STARD8: variants seen among roughly 807,000 people sequenced by gnomAD.
STARD8 encodes the protein StAR related lipid transfer domain containing 8, also known as stAR-related lipid transfer protein 8.
STARD8 carries 25 observed loss-of-function variants against 69.4 expected under a neutral mutation model. That is an observed-to-expected ratio of 0.36 (90% CI 0.26 to 0.50). STARD8 has a LOEUF of 0.50. Among genes scored for constraint, STARD8 ranks in the 20% least tolerant of loss-of-function variants. STARD8 has a pLI of 0.96. For synonymous variants in STARD8, 389 were observed against 374.6 expected, an observed-to-expected ratio of 1.04 and a Z score of -0.45; for missense variants, 921 against 932.5, an observed-to-expected ratio of 0.99 and a Z score of 0.16.
rs149375225 is a variant in STARD8, at chrX:68,718,400, G to C, written c.1486G>C (p.Asp496His). The C allele has an allele frequency of 1.1e-3, 1,307 of 1,208,532 alleles. 7 individuals carry two copies. The African/African-American group carries it at 0.021, about 19-fold the overall frequency. ...AGCCCCGGCCCCGGCCCCAGCCCAG[G>C]ACAGTGAGCAGGAGGCACATTCAGG... Reference protein sequence around the residue: ...APAPAPAPAQDSEQEAHSGGE... With the variant: ...APAPAPAPAQHSEQEAHSGGE... The change falls in exon 6 of 15, where the codon GAC (aspartate) becomes CAC (histidine). Residue 496 changes from aspartate (D) to histidine (H), a missense_variant. By Grantham distance (81) the Asp-to-His change is moderately conservative. Transcript: ENST00000374599.
intron 3 of STARD8, among the ~76,000 whole-genome samples, 154 bp from the exon 4 acceptor site, chrX:68,715,140 C>A (rs1409796113): frequency 8.9e-6 from 1 of 111,836 alleles, no homozygotes; most frequent in Non-Finnish European, 1.9e-5. Flanking sequence ...ACTCCCTGGG[C>A]ACCCTCCTTT....
intron 2 of STARD8, among the ~76,000 whole-genome samples, chrX:68,677,100 C>G (rs186093385): frequency 4.5e-5 from 5 of 110,794 alleles, no homozygotes; most frequent in Non-Finnish European, 9.4e-5. Flanking sequence ...GGGCCGTGAT[C>G]GTGGCACTGC....
intron 5 of STARD8, 112 bp downstream of exon 5, chrX:68,716,543 C>T: frequency 1.4e-6 from 1 of 705,888 alleles, no homozygotes; most frequent in Non-Finnish European, 2.1e-6. Flanking sequence ...CTGAGATGTC[C>T]AGAGCAGTGC....
At chrX:68,679,704 C>T (rs1204923700) in intron 2 of STARD8, among the ~76,000 whole-genome samples, 4 of 112,188 alleles carry the variant, frequency 3.6e-5, no homozygotes, top group Non-Finnish European at 7.5e-5. Flanking sequence ...CACATGGGGC[C>T]TCTCATTGCA....
chrX:68,689,591 C>G (rs1320087378), intron 2 of STARD8, among the ~76,000 whole-genome samples: 17 of 112,561 alleles, frequency 1.5e-4, no homozygotes, highest in Non-Finnish European at 3.0e-4. Flanking sequence ...AGCCGCCCCA[C>G]ACCTGTATGT....
intron 2 of STARD8, among the ~76,000 whole-genome samples, chrX:68,666,788 C>T (rs1362955896): frequency 8.9e-6 from 1 of 112,369 alleles, no homozygotes; most frequent in Non-Finnish European, 1.9e-5. Flanking sequence ...CATTCCAAGG[C>T]GTCTTGCTGC....
At chrX:68,668,117 C>CTTTCTTTCTTTCTTTCTCTT (rs2079700080) in intron 2 of STARD8, among the ~76,000 whole-genome samples, 1 of 90,466 alleles carries the variant, frequency 1.1e-5, no homozygotes, top group East Asian at 3.3e-4. Flanking sequence ...TTCTTTCTGT[C>CTTTCTTTCTTTCTTTCTCTT]TTTCTTTCTT....
chrX:68,693,779 T>C (rs976263392), intron 2 of STARD8: 53 of 753,856 alleles, frequency 7.0e-5, no homozygotes, highest in Non-Finnish European at 7.5e-5. Context: ...TCCTGCCCGC[T>C]CGCTCTGTGT....
intron 2 of STARD8, among the ~76,000 whole-genome samples, chrX:68,694,267 G>A (rs1431697981): frequency 8.9e-6 from 1 of 112,696 alleles, no homozygotes; most frequent in East Asian, 2.8e-4. Context: ...GGAAGCCCCC[G>A]TCCGGCTGTA....
intron 2 of STARD8, among the ~76,000 whole-genome samples, chrX:68,689,185 C>T (rs1337954052): frequency 9.5e-6 from 1 of 105,555 alleles, no homozygotes; most frequent in African/African-American, 3.5e-5. Context: ...GGTGGGGCAC[C>T]GGGGTGGACA....
At position 68,717,567 on chromosome X, in the gene STARD8, G is replaced by A. The variant is rs377275769; in HGVS notation, c.653G>A (p.Arg218Gln). ...SFLKHLESLRRKEKSGSQQAE... is the reference protein window; with the variant it reads ...SFLKHLESLRQKEKSGSQQAE... Reference sequence around the variant, plus strand: ...CTCAAGCACCTTGAATCTCTGAGGCGGAAGGAAAAGAGTGGCAGCCAGCAA... The same window carrying A: ...CTCAAGCACCTTGAATCTCTGAGGCAGAAGGAAAAGAGTGGCAGCCAGCAA... The change falls in exon 6 of 15, where the codon CGG becomes CAG. Residue 218 changes from arginine to glutamine, a missense_variant. Arg to Gln is a conservative substitution (Grantham distance 43). Coordinates refer to ENST00000374599, the MANE Select transcript of STARD8 (RefSeq NM_001142503.3). The A allele has an allele frequency of 5.6e-5, 68 of 1,210,058 alleles. 1 individual carries two copies. The highest frequency in any genetic ancestry group is 1.2e-4 in the East Asian group (4 of 33,744).
chrX:68,672,724 C>A (rs943347767), intron 2 of STARD8, among the ~76,000 whole-genome samples: 2 of 111,134 alleles, frequency 1.8e-5, no homozygotes, highest in Admixed American at 9.5e-5. Context: ...CCCCACCCCC[C>A]ATGGCAGGGC....
At position 68,716,842 on chromosome X, in the gene STARD8, GCT is replaced by G. The variant is rs778434049; in HGVS notation, c.298-367_298-366del. On this transcript the variant is annotated intron_variant, in intron 5 of 14. Coordinates refer to ENST00000374599, the MANE Select transcript of STARD8 (RefSeq NM_001142503.3). ...ACTAGAAAATCTCCAATTCCGTCCA[GCT>G]CTGTTGTGATTCTAATCTAAGACTA... 2.2e-3 allele frequency among the ~76,000 whole-genome samples: 243 copies of G among 112,208 alleles called. 1 individual carries two copies. The highest frequency in any genetic ancestry group is 3.9e-3 in the Non-Finnish European group (208 of 53,218).
intron 3 of STARD8, 57 bp downstream of exon 3, chrX:68,713,042 C>G: frequency 9.2e-7 from 1 of 1,083,131 alleles, no homozygotes; most frequent in Non-Finnish European, 1.3e-6. Context: ...AGTTTTTCAT[C>G]TGTTAGATGG....
chrX:68,720,258 A>G lies in STARD8; in HGVS notation c.1890-6A>G. On this transcript the variant is annotated splice_region_variant and splice_polypyrimidine_tract_variant and intron_variant, in intron 7 of 14. Transcript: ENST00000374599. ...CTATCTGATCACTTGTCATTCTCCCAAACAGGTCAATGCCCAAGTTCATGA... is the reference window on the plus strand; with the variant it reads ...CTATCTGATCACTTGTCATTCTCCCGAACAGGTCAATGCCCAAGTTCATGA... 1 of 1,188,459 alleles carries G rather than the reference A, an allele frequency of 8.4e-7. No individual in the cohort carries two copies. The highest frequency in any genetic ancestry group is 1.9e-5 in the South Asian group (1 of 52,738).
chrX:68,671,690 A>G (rs2079729523), intron 2 of STARD8, among the ~76,000 whole-genome samples: 1 of 112,410 alleles, frequency 8.9e-6, no homozygotes, highest in African/African-American at 3.2e-5. Flanking sequence ...GGCCTTAAGG[A>G]TCCAGTGGTT....
At position 68,711,796 on chromosome X, in the gene STARD8, G is replaced by T. The variant is rs2080053016; in HGVS notation, c.80-1118G>T. ...AGCCTCCTTAGAGTCCTCTGGTCAG[G>T]GGGGCCAGGCGAGACTGTGGCCACA... On this transcript the variant is annotated intron_variant, in intron 2 of 14. Coordinates refer to ENST00000374599, the MANE Select transcript of STARD8 (RefSeq NM_001142503.3). Among the ~76,000 whole-genome samples, 3 of 112,256 alleles carry T rather than the reference G, an allele frequency of 2.7e-5. No individual in the cohort carries two copies. In the South Asian group the frequency reaches 1.1e-3, roughly 41 times the overall value.
chrX:68,673,224 C>T (rs2079740928), intron 2 of STARD8, among the ~76,000 whole-genome samples: 1 of 111,521 alleles, frequency 9.0e-6, no homozygotes, highest in South Asian at 3.7e-4. Flanking sequence ...TGAGGATGAC[C>T]GAAGTAGGCT....
Position 68,723,689 on chromosome X carries a change from G to A in STARD8, c.2863G>A (p.Val955Met), listed in dbSNP as rs926762934. 3.3e-6 allele frequency: 4 copies of A among 1,199,016 alleles called. No homozygotes were observed. The East Asian group carries it at 1.2e-4, about 36-fold the overall frequency. ...ASTEVAAPPA[V>M]VLHRVLRERA... is the part of the protein sequence containing the mutation. ...CACAGAGGTGGCAGCCCCCCCAGCT[G>A]TGGTGCTGCATCGTGTTCTCCGGGA... Residue 955 changes from valine (V) to methionine (M), a missense_variant, in exon 13 of 15, where the codon GTG becomes ATG. By Grantham distance (21) the Val-to-Met change is conservative. Coordinates refer to ENST00000374599, the MANE Select transcript of STARD8 (RefSeq NM_001142503.3).
Sources: gnomAD v4.1 joint callset for allele counts (sites outside exome capture counted in the v4.1 genomes callset) on GRCh38, gnomAD v4.1.1 for gene constraint, MANE v1.5 for transcripts, NCBI Gene and HGNC (gene_info 2026-07-23, HGNC 2026-07-21) for gene names.